Variants in PHIP observed in about 807,000 individuals in gnomAD.
PHIP encodes the protein PH-interacting protein.
Under a neutral mutation model 236.8 loss-of-function variants are expected in PHIP, and 54 were observed. That is an observed-to-expected ratio of 0.23 (90% confidence interval 0.18 to 0.29). The LOEUF (loss-of-function observed/expected upper bound fraction) is 0.29, where lower values mean the gene tolerates loss of function less well. PHIP is among the 10% of genes least tolerant of loss of function. PHIP has a pLI of 1.00. For synonymous variants in PHIP, 756 were observed against 718.9 expected (o/e 1.05, Z -0.83); for missense variants, 1,370 against 2,190.8 (o/e 0.63, Z 7.48).
chr6:79,057,853 C>A (rs903825021), intron 6 of PHIP, among the ~76,000 whole-genome samples: 2 of 152,114 alleles, frequency 1.3e-5, no homozygotes, highest in East Asian at 3.9e-4. Context: ...GGCAAGAAGA[C>A]TGATGAATTA....
chr6:79,005,729 A>T (rs577614731), intron 15 of PHIP, among the ~76,000 whole-genome samples: 2 of 152,184 alleles, frequency 1.3e-5, no homozygotes, highest in Non-Finnish European at 2.9e-5. Flanking sequence ...AAGTAGTCCA[A>T]TTTAGCAATT....
chr6:79,012,051 A>G (rs1017463954), intron 15 of PHIP, among the ~76,000 whole-genome samples: 11 of 151,698 alleles, frequency 7.3e-5, no homozygotes, highest in Non-Finnish European at 1.5e-5. Context: ...GCTTTTTAAC[A>G]TAACAGGATT....
chr6:79,066,160 A>G (rs1773611488), intron 4 of PHIP, among the ~76,000 whole-genome samples: 1 of 152,150 alleles, frequency 6.6e-6, no homozygotes, highest in African/African-American at 2.4e-5. Flanking sequence ...TTTCTGATAT[A>G]CGAGTTACTT....
At chr6:78,952,650 C>A (rs1766119399) in intron 35 of PHIP, among the ~76,000 whole-genome samples, 1 of 152,040 alleles carries the variant, frequency 6.6e-6, no homozygotes, top group Non-Finnish European at 1.5e-5. Flanking sequence ...TAGATCTTTA[C>A]ACTTACTATC....
chr6:79,024,587 G>A (rs1053141099), intron 9 of PHIP, among the ~76,000 whole-genome samples: 2 of 152,060 alleles, frequency 1.3e-5, no homozygotes, highest in Non-Finnish European at 2.9e-5. Flanking sequence ...GGCGGATCAC[G>A]AGGTCAGGAG....
intron 4 of PHIP, among the ~76,000 whole-genome samples, chr6:79,064,409 A>G (rs1226276787): frequency 6.6e-6 from 1 of 152,148 alleles, no homozygotes; most frequent in Non-Finnish European, 1.5e-5. Flanking sequence ...TTTTTAAAAG[A>G]ATGGTCCATA....
In PHIP at chr6:78,948,676, G is replaced by T. The variant is rs765020768; in HGVS notation, c.4054-901C>A. On this transcript the variant is annotated intron_variant, in intron 35 of 39. Transcript: ENST00000275034. ...CACCCAGCTAATTTTTATAATTTTTGTAGAGACGGGTCTTAGCATGTTGCT... is the reference window on the plus strand; with the variant it reads ...CACCCAGCTAATTTTTATAATTTTTTTAGAGACGGGTCTTAGCATGTTGCT... Among the ~76,000 whole-genome samples, 183 of 152,132 alleles carry T rather than the reference G, an allele frequency of 1.2e-3. 1 individual carries two copies. Among genetic ancestry groups the T allele is most frequent in the Middle Eastern group, 3.4e-3 (1 of 294 alleles).
chr6:79,000,428 G>C (rs1769909347), intron 17 of PHIP, among the ~76,000 whole-genome samples: 1 of 151,924 alleles, frequency 6.6e-6, no homozygotes, highest in Non-Finnish European at 1.5e-5. Flanking sequence ...ATTAAATTTT[G>C]AATTCTCTCA....
At chr6:78,985,698 CT>C (rs1768821146) in intron 21 of PHIP, among the ~76,000 whole-genome samples, 1 of 152,080 alleles carries the variant, frequency 6.6e-6, no homozygotes, top group Admixed American at 6.6e-5. Flanking sequence ...AAAAAATTAG[CT>C]GGGAATGGTG....
chr6:79,037,117 T>C (rs1771978772), intron 7 of PHIP, among the ~76,000 whole-genome samples: 1 of 152,134 alleles, frequency 6.6e-6, no homozygotes, highest in Admixed American at 6.5e-5. Flanking sequence ...TCAACTGTTT[T>C]GTCAACAATG....
At chr6:79,076,083 T>C (rs376461318) in intron 4 of PHIP, among the ~76,000 whole-genome samples, 17 of 152,332 alleles carry the variant, frequency 1.1e-4, no homozygotes, top group African/African-American at 4.1e-4. Context: ...AATACACTAA[T>C]ACACTGTTAA....
chr6:78,991,565 G>A (rs950423630), intron 19 of PHIP, among the ~76,000 whole-genome samples: 1 of 152,012 alleles, frequency 6.6e-6, no homozygotes, highest in Non-Finnish European at 1.5e-5. Context: ...CTCATGAGAA[G>A]ATAATTTTAT....
At chr6:79,055,083 A>G (rs1469848467) in intron 6 of PHIP, among the ~76,000 whole-genome samples, 2 of 152,058 alleles carry the variant, frequency 1.3e-5, no homozygotes, top group Non-Finnish European at 2.9e-5. Flanking sequence ...ATCCTCACAC[A>G]AAACTGCAGA....
intron 37 of PHIP, 113 bp from the exon 38 acceptor site, chr6:78,946,373 T>C: frequency 1.4e-6 from 2 of 1,386,526 alleles, no homozygotes; most frequent in South Asian, 1.5e-5. Context: ...TGTTAAAATA[T>C]GAGATTTATA....
intron 6 of PHIP, among the ~76,000 whole-genome samples, chr6:79,059,282 T>C (rs1773234807): frequency 6.6e-6 from 1 of 151,922 alleles, no homozygotes; most frequent in South Asian, 2.1e-4. Context: ...CTGAGAATTT[T>C]TCAATGTCAA....
At chr6:78,954,456 C>T (rs538369546) in intron 35 of PHIP, among the ~76,000 whole-genome samples, 6 of 151,958 alleles carry the variant, frequency 3.9e-5, no homozygotes, top group South Asian at 2.1e-4. Context: ...CCTGTAAGGA[C>T]GTAGGCATTA....
chr6:78,957,233 T>C (rs552393869), intron 32 of PHIP: 1 of 152,152 alleles, frequency 6.6e-6, no homozygotes, highest in South Asian at 2.1e-4. Flanking sequence ...GAAATATGAA[T>C]ATACTATCTC....
intron 10 of PHIP, 142 bp from the exon 11 acceptor site, chr6:79,017,725 A>T (rs1770902061): frequency 5.1e-6 from 3 of 585,896 alleles, no homozygotes; most frequent in Admixed American, 3.1e-5. Context: ...TCCTAAATAT[A>T]TAACACATCT....
intron 6 of PHIP, among the ~76,000 whole-genome samples, chr6:79,045,917 G>C (rs1371806229): frequency 6.6e-5 from 10 of 151,736 alleles, no homozygotes; most frequent in Non-Finnish European, 1.0e-4. Flanking sequence ...TTTTTCACTT[G>C]GCAAATTCTT....
Sources: allele counts gnomAD v4.1 joint callset (sites outside exome capture counted in the v4.1 genomes callset), GRCh38; gene constraint gnomAD v4.1.1; transcripts MANE v1.5; gene names NCBI Gene and HGNC (gene_info 2026-07-23, HGNC 2026-07-21).